Variants in ZNRF3 observed in about 807,000 individuals in gnomAD.
ZNRF3 encodes the protein E3 ubiquitin-protein ligase ZNRF3.
In ZNRF3, 23 loss-of-function variants were observed where a neutral mutation model predicts 72.5. The observed-to-expected ratio is 0.32, with a 90% confidence interval of 0.23 to 0.45. The LOEUF (loss-of-function observed/expected upper bound fraction) is 0.45, where lower values mean the gene tolerates loss of function less well. Among genes scored for constraint, ZNRF3 ranks in the 20% least tolerant of loss-of-function variants. The pLI, the probability that ZNRF3 is intolerant of heterozygous loss-of-function variation, is 1.00. For missense variants in ZNRF3, 1,169 were observed against 1,272.1 expected, an observed-to-expected ratio of 0.92 and a Z score of 1.23; for synonymous variants, 610 against 545.3, an observed-to-expected ratio of 1.12 and a Z score of -1.65.
At chr22:28,893,644 C>T (rs2033935289) in intron 1 of ZNRF3, among the ~76,000 whole-genome samples, 1 of 151,902 alleles carries the variant, frequency 6.6e-6, no homozygotes, top group African/African-American at 2.4e-5. Context: ...ACTACAGGTG[C>T]ACATCACCAC....
chr22:28,955,093 T>G (rs1266596783), intron 1 of ZNRF3, among the ~76,000 whole-genome samples: 2 of 146,982 alleles, frequency 1.4e-5, no homozygotes, highest in Non-Finnish European at 3.0e-5. Context: ...CAGGCTGGAG[T>G]ACAGTGGTGC....
At chr22:28,895,227 T>C (rs2033969001) in intron 1 of ZNRF3, among the ~76,000 whole-genome samples, 1 of 152,232 alleles carries the variant, frequency 6.6e-6, no homozygotes, top group Admixed American at 6.5e-5. Flanking sequence ...CTACCCTTGA[T>C]GTGACCAGAG....
At position 29,048,530 on chromosome 22, in the gene ZNRF3, G is replaced by A. The variant is rs775642263; in HGVS notation, c.1015+39G>A. The stretch of plus-strand genomic sequence containing the variant: ...GCCTTAGCCATTGCTGAAGAGTCAA[G>A]TGCCTAGCTAGAGTGTGACACACAC... On this transcript the variant is annotated intron_variant, in intron 7 of 8. Coordinates refer to ENST00000544604, the MANE Select transcript of ZNRF3 (RefSeq NM_001206998.2). This position sits in a 1 kb window ranked among gnomAD's most constrained non-coding sequence, Gnocchi z 4.9. 4 of 1,594,812 alleles carry A rather than the reference G, an allele frequency of 2.5e-6. No individual in the cohort carries two copies. The highest frequency in any genetic ancestry group is 4.5e-5 in the East Asian group (2 of 44,762).
chr22:28,884,238 C>CG (rs2033725603), intron 1 of ZNRF3, among the ~76,000 whole-genome samples, 172 bp downstream of exon 1: 1 of 151,712 alleles, frequency 6.6e-6, no homozygotes, highest in Non-Finnish European at 1.5e-5. Flanking sequence ...ACGCGGCCTC[C>CG]GGGGCGCATC....
intron 2 of ZNRF3, among the ~76,000 whole-genome samples, chr22:29,013,688 C>A (rs1353679322): frequency 6.6e-6 from 1 of 152,184 alleles, no homozygotes; most frequent in Non-Finnish European, 1.5e-5. Flanking sequence ...GCACTTGTAC[C>A]TAATGAACAG....
chr22:28,899,028 A>G (rs1453109191), intron 1 of ZNRF3, among the ~76,000 whole-genome samples: 1 of 138,492 alleles, frequency 7.2e-6, no homozygotes, highest in Non-Finnish European at 1.5e-5. Flanking sequence ...GATATGTTGT[A>G]TTTCACTTGT....
intron 2 of ZNRF3, chr22:29,018,407 T>C (rs1441545250): frequency 5.3e-6 from 1 of 187,688 alleles, no homozygotes; most frequent in South Asian, 1.1e-4. Flanking sequence ...TAATGTAGGT[T>C]TGGGAGAAAC....
chr22:28,916,751 TGTG>T (rs2034414213), intron 1 of ZNRF3, among the ~76,000 whole-genome samples: 1 of 152,202 alleles, frequency 6.6e-6, no homozygotes, highest in African/African-American at 2.4e-5. Context: ...GCTTTTGAAT[TGTG>T]GAGCTCCCCA....
intron 2 of ZNRF3, among the ~76,000 whole-genome samples, chr22:29,010,198 C>T (rs942396005): frequency 1.1e-4 from 17 of 152,122 alleles, no homozygotes; most frequent in South Asian, 2.1e-4. Context: ...CATGAGCCAC[C>T]GCACCCAGCC....
At chr22:29,023,593 C>CT (rs2036574954) in intron 2 of ZNRF3, among the ~76,000 whole-genome samples, 3 of 152,114 alleles carry the variant, frequency 2.0e-5, no homozygotes, top group African/African-American at 7.2e-5. Flanking sequence ...CTACGGTGGG[C>CT]TATATTAGCT....
chr22:28,931,558 C>G (rs971945319), intron 1 of ZNRF3, among the ~76,000 whole-genome samples: 7 of 152,158 alleles, frequency 4.6e-5, no homozygotes, highest in African/African-American at 9.7e-5. Flanking sequence ...TGCTGTTAGA[C>G]CGGCATTACT....
chr22:28,926,812 A>G (rs2034611456), intron 1 of ZNRF3, among the ~76,000 whole-genome samples: 1 of 151,276 alleles, frequency 6.6e-6, no homozygotes, highest in Non-Finnish European at 1.5e-5. Context: ...AAAAAAAAAA[A>G]AGAAAAGAAA....
intron 1 of ZNRF3, among the ~76,000 whole-genome samples, chr22:28,898,516 C>T (rs1190016813): frequency 3.3e-5 from 5 of 152,206 alleles, no homozygotes; most frequent in African/African-American, 1.2e-4. Context: ...TGACTGTAGA[C>T]TTTTGGGGAT....
At chr22:28,991,988 A>T (rs1433996444) in intron 2 of ZNRF3, among the ~76,000 whole-genome samples, 1 of 129,250 alleles carries the variant, frequency 7.7e-6, no homozygotes, top group South Asian at 2.2e-4. Context: ...ACAAAAGAAT[A>T]AAAAAAAAAA....
Position 29,053,516 on chromosome 22 carries a change from C to G in ZNRF3, c.2768-63C>G, listed in dbSNP as rs373664966. 28 of 1,566,560 alleles carry G rather than the reference C, an allele frequency of 1.8e-5. No homozygotes were observed. The African/African-American group carries it at 3.7e-4, about 20-fold the overall frequency. On this transcript the variant is annotated intron_variant, in intron 8 of 8. Transcript: ENST00000544604. ...GCTGGGGACAGGGCCACCTGAGTCCCTTGCCTGGTCCCATGTGTGGTGCCA... is the reference window on the plus strand; with the variant it reads ...GCTGGGGACAGGGCCACCTGAGTCCGTTGCCTGGTCCCATGTGTGGTGCCA...
rs1020346808 is a variant in ZNRF3 at position 29,054,920 on chromosome 22, C to T, written c.*1298C>T. The T allele has an allele frequency of 6.5e-6, 1 of 153,038 alleles. No homozygotes were observed. Among genetic ancestry groups the T allele is most frequent in the African/African-American group, 2.4e-5 (1 of 41,452 alleles). 9.5% of individuals were successfully genotyped at this position (153,038 alleles called of 1,614,324 possible). A position where few individuals can be genotyped will look rare whatever the true frequency, so the allele number is the denominator to read the frequency against. On this transcript the variant is annotated 3_prime_UTR_variant, in exon 9 of 9. Coordinates refer to ENST00000544604, the MANE Select transcript of ZNRF3 (RefSeq NM_001206998.2). ...TCATGGCTGAAATTGCTCATCTCGT[C>T]TGCAGATGTCTACTATCCTGTCTAC...
chr22:29,039,894 G>A (rs188208877), intron 2 of ZNRF3, among the ~76,000 whole-genome samples: 1 of 152,162 alleles, frequency 6.6e-6, no homozygotes, highest in Admixed American at 6.5e-5. Context: ...AGGAGTTTGA[G>A]GCTGCAGTGA....
intron 1 of ZNRF3, among the ~76,000 whole-genome samples, chr22:28,971,550 A>G (rs899444576): frequency 6.6e-6 from 1 of 152,206 alleles, no homozygotes; most frequent in African/African-American, 2.4e-5. Flanking sequence ...GACATCCCAC[A>G]GGATGTAAGA....
At chr22:28,954,037 C>T (rs2035212357) in intron 1 of ZNRF3, among the ~76,000 whole-genome samples, 1 of 152,122 alleles carries the variant, frequency 6.6e-6, no homozygotes, top group Non-Finnish European at 1.5e-5. Flanking sequence ...ATATAAAGCA[C>T]CTAGGACAGG....
Sources: allele counts gnomAD v4.1 joint callset (sites outside exome capture counted in the v4.1 genomes callset), GRCh38; gene constraint gnomAD v4.1.1; non-coding constraint Gnocchi (gnomAD v3.1); transcripts MANE v1.5; gene names NCBI Gene and HGNC (gene_info 2026-07-23, HGNC 2026-07-21).